Variants in ANK2 observed in about 807,000 individuals in gnomAD.
ANK2 encodes ankyrin 2, also known as ankyrin-2.
In ANK2, 83 loss-of-function variants were observed where a neutral mutation model predicts 360.5. The ratio of observed to expected loss-of-function variants is 0.23; its 90% CI spans 0.19 to 0.28. The LOEUF is 0.28. Among genes scored for constraint, ANK2 ranks in the 10% least tolerant of loss-of-function variants. The pLI is 1.00. For missense variants in ANK2, 4,201 were observed against 4,795.7 expected, an observed-to-expected ratio of 0.88 and a Z score of 3.66; for synonymous variants, 1,740 against 1,759.5, an observed-to-expected ratio of 0.99 and a Z score of 0.28.
rs535806800 is a variant in ANK2 at position 112,929,909 on chromosome 4, T to C, written c.21+25395T>C. Among the ~76,000 whole-genome samples, 16 of 152,318 alleles carry C rather than the reference T, an allele frequency of 1.1e-4. No homozygotes were observed. The South Asian group carries it at 1.7e-3, about 16-fold the overall frequency. ...AGATGTTGAAAGAAAAATTATCCTATGCCCAGGTTACGAGTAGACATTACC... is the reference window on the plus strand; with the variant it reads ...AGATGTTGAAAGAAAAATTATCCTACGCCCAGGTTACGAGTAGACATTACC... On this transcript the variant is annotated intron_variant, in intron 2 of 30. Coordinates refer to the ANK2 transcript ENST00000503271.
Position 113,143,961 on chromosome 4 carries a change from C to T in ANK2, c.85-30455C>T, listed in dbSNP as rs561432881. Reference sequence around the variant, plus strand: ...TGCTTGATGTATCCCAGCCAACAGTCTAATCTTGTCACTGATTTTGAAGCA... The same window carrying T: ...TGCTTGATGTATCCCAGCCAACAGTTTAATCTTGTCACTGATTTTGAAGCA... On this transcript the variant is annotated intron_variant, in intron 1 of 45. Transcript: ENST00000357077. 3.7e-4 allele frequency among the ~76,000 whole-genome samples: 56 copies of T among 152,260 alleles called. 1 individual carries two copies. The highest frequency in any genetic ancestry group is 1.3e-3 in the African/African-American group (53 of 41,554).
chr4:112,717,985 T>G, the ANK2 span, among the ~76,000 whole-genome samples: 2 of 152,354 alleles, frequency 1.3e-5, no homozygotes, highest in South Asian at 4.1e-4. Flanking sequence ...CATGAATGCC[T>G]CTTTTATAGA....
chr4:113,128,689 C>T (rs140247800), intron 1 of ANK2, among the ~76,000 whole-genome samples: 1,980 of 152,176 alleles, frequency 0.013, 17 homozygotes, highest in Non-Finnish European at 0.022. Flanking sequence ...TGGGGTTTCA[C>T]CGTATTGGCC....
At position 113,318,484 on chromosome 4, in the gene ANK2, G is replaced by A. The variant is rs1483407445; in HGVS notation, c.2797-33G>A. The A allele has an allele frequency of 2.6e-6, 4 of 1,530,788 alleles. 1 individual carries two copies. Among genetic ancestry groups the A allele is most frequent in the Admixed American group, 3.4e-5 (2 of 58,960 alleles). The allele number at this position is 1,530,788 out of a possible 1,614,324, so 94.8% of individuals were successfully genotyped here. The stretch of plus-strand genomic sequence containing the variant: ...TATTTTACTTTAATTGAAGCAAAGT[G>A]TGTTTATTCAATCCAGTGTTCTTTG... On this transcript the variant is annotated intron_variant, in intron 25 of 45. Coordinates refer to ENST00000357077, the MANE Select transcript of ANK2 (RefSeq NM_001148.6).
chr4:112,902,249 G>A (rs2083678891), intron 1 of ANK2, among the ~76,000 whole-genome samples: 1 of 152,226 alleles, frequency 6.6e-6, no homozygotes, highest in African/African-American at 2.4e-5. Flanking sequence ...GTAGCTTTGT[G>A]TCTTTGGCAG....
chr4:113,213,426 G>C (rs761653306), intron 4 of ANK2, among the ~76,000 whole-genome samples: 1 of 152,160 alleles, frequency 6.6e-6, no homozygotes, highest in African/African-American at 2.4e-5. Flanking sequence ...TAAATGTAAA[G>C]TTCCATGCAA....
At chr4:112,917,847 A>C (rs1468916187) in intron 2 of ANK2, among the ~76,000 whole-genome samples, 1 of 152,212 alleles carries the variant, frequency 6.6e-6, no homozygotes, top group African/African-American at 2.4e-5. Flanking sequence ...CAATAAAACT[A>C]TGTGGGAACA....
intron 1 of ANK2, among the ~76,000 whole-genome samples, chr4:112,887,234 C>T (rs548832757): frequency 3.9e-5 from 6 of 152,216 alleles, no homozygotes; most frequent in African/African-American, 9.6e-5. Flanking sequence ...ACAGATGGTC[C>T]CCAACTTACA....
At chr4:112,729,066 G>T in the ANK2 span, among the ~76,000 whole-genome samples, 1 of 152,014 alleles carries the variant, frequency 6.6e-6, no homozygotes, top group African/African-American at 2.4e-5. Context: ...AATTAGCCAG[G>T]CATGGTGGCA....
At chr4:112,736,281 G>A in the ANK2 span, among the ~76,000 whole-genome samples, 5 of 151,954 alleles carry the variant, frequency 3.3e-5, no homozygotes, top group African/African-American at 1.2e-4. Flanking sequence ...TGGGCAACAC[G>A]GTGAAACCCC....
At chr4:112,890,612 G>T (rs1266815489) in intron 1 of ANK2, among the ~76,000 whole-genome samples, 1 of 118,828 alleles carries the variant, frequency 8.4e-6, no homozygotes, top group Non-Finnish European at 1.6e-5. Context: ...TTATTGCCCA[G>T]GCTGGAGTGC....
At chr4:113,379,440 A>G (rs924154654) in intron 45 of ANK2, among the ~76,000 whole-genome samples, 6 of 152,216 alleles carry the variant, frequency 3.9e-5, no homozygotes, top group Non-Finnish European at 8.8e-5. Flanking sequence ...ATACATTGTT[A>G]AAGATATCAT....
At chr4:112,846,752 C>T (rs764601508) in intron 1 of ANK2, among the ~76,000 whole-genome samples, 2 of 152,186 alleles carry the variant, frequency 1.3e-5, no homozygotes, top group Non-Finnish European at 2.9e-5. Flanking sequence ...ATGATCCCTG[C>T]ATCAGTCAGA....
intron 27 of ANK2, among the ~76,000 whole-genome samples, chr4:113,330,891 T>C (rs1362407069): frequency 2.0e-5 from 3 of 152,214 alleles, no homozygotes; most frequent in Non-Finnish European, 4.4e-5. Context: ...TGGAAAGCAA[T>C]GTTGCCTTTA....
At chr4:112,752,769 G>C in the ANK2 span, among the ~76,000 whole-genome samples, 1 of 152,058 alleles carries the variant, frequency 6.6e-6, no homozygotes, top group Non-Finnish European at 1.5e-5. Flanking sequence ...AGGTTCAAAT[G>C]ATCCTCCTGT....
At chr4:112,913,770 A>T (rs1054919614) in intron 2 of ANK2, among the ~76,000 whole-genome samples, 28 of 152,218 alleles carry the variant, frequency 1.8e-4, no homozygotes, top group African/African-American at 6.3e-4. Context: ...ATCATAGAGA[A>T]GTTATAACAT....
In ANK2 at chr4:113,356,711, G is replaced by A; in HGVS notation, c.8093G>A (p.Ser2698Asn). 1 of 1,614,096 alleles carries A rather than the reference G, an allele frequency of 6.2e-7. No individual in the cohort carries two copies. Among genetic ancestry groups the A allele is most frequent in the Admixed American group, 1.7e-5 (1 of 60,016 alleles). Residue 2698 changes from serine to asparagine, a missense_variant, in exon 38 of 46, where the codon AGC (serine) becomes AAC (asparagine). Coordinates refer to ENST00000357077, the MANE Select transcript of ANK2 (RefSeq NM_001148.6). ...RVQPPSPLPSSMDSNSSPEEV... is the reference protein window; with the variant it reads ...RVQPPSPLPSNMDSNSSPEEV... ...CAACCTCCTTCTCCACTTCCATCAA[G>A]CATGGACTCCAATTCCAGTCCAGAA...
At position 113,369,573 on chromosome 4, in the gene ANK2, C is replaced by A; in HGVS notation, c.11378C>A (p.Ser3793Tyr). ...ETQKAMIVPS[S>Y]PSKTPEEVST... ...CAGAAGGCTATGATAGTACCCAGCTCTCCCAGCAAGACACCTGAGGAAGTT... is the reference window on the plus strand; with the variant it reads ...CAGAAGGCTATGATAGTACCCAGCTATCCCAGCAAGACACCTGAGGAAGTT... The change falls in exon 43 of 46, where the codon TCT (serine) becomes TAT (tyrosine). Residue 3793 changes from serine to tyrosine, a missense_variant. By Grantham distance (144) the Ser-to-Tyr change is moderately radical. Coordinates refer to ENST00000357077, the MANE Select transcript of ANK2 (RefSeq NM_001148.6). 1 of 1,614,154 alleles carries A rather than the reference C, an allele frequency of 6.2e-7. No homozygotes were observed. Among genetic ancestry groups the A allele is most frequent in the Non-Finnish European group, 8.5e-7 (1 of 1,180,014 alleles).
intron 1 of ANK2, among the ~76,000 whole-genome samples, chr4:112,879,649 G>A (rs192443905): frequency 2.8e-4 from 43 of 152,222 alleles, no homozygotes; most frequent in African/African-American, 9.6e-4. Context: ...AGGGTTTTTC[G>A]TTAGATACAT....
Sources: allele counts gnomAD v4.1 joint callset (sites outside exome capture counted in the v4.1 genomes callset), GRCh38; gene constraint gnomAD v4.1.1; transcripts MANE v1.5; gene names NCBI Gene and HGNC (gene_info 2026-07-23, HGNC 2026-07-21).